HAUS6: variants seen among roughly 807,000 people sequenced by gnomAD.
The protein encoded by HAUS6 is HAUS augmin-like complex subunit 6.
A neutral mutation model predicts 106.8 loss-of-function variants in HAUS6; 80 were observed. The observed-to-expected ratio is 0.75, with a 90% CI of 0.63 to 0.90. HAUS6 has a LOEUF of 0.90. Among genes scored for constraint, HAUS6 ranks in the 40% least tolerant of loss-of-function variants. HAUS6 has a pLI of 0.00. For synonymous variants in HAUS6, 356 were observed against 379.1 expected (o/e 0.94, Z 0.71); for missense variants, 1,155 against 1,118.1 (o/e 1.03, Z -0.47).
chr9:19,098,576 C>T (rs532215324), intron 1 of HAUS6, among the ~76,000 whole-genome samples: 2 of 152,230 alleles, frequency 1.3e-5, no homozygotes, highest in South Asian at 2.1e-4. Flanking sequence ...ATTCCTACTG[C>T]CACTTTAGTT....
chr9:19,078,278 T>C lies in HAUS6; in HGVS notation c.1089A>G (p.Thr363=). The change falls in exon 10 of 17, where the codon ACA becomes ACG. Residue 363 remains threonine, a synonymous_variant. Transcript: ENST00000380502. ...HMRYRIKDDL[T]TIRHSVVEKQ... Reference sequence around the variant, plus strand: ...TTTCAACAACAGAATGTCTTATAGTTGTGAGATCATCTTTTATTCTATACC... The same window carrying C: ...TTTCAACAACAGAATGTCTTATAGTCGTGAGATCATCTTTTATTCTATACC... 6 of 1,506,428 alleles carry C rather than the reference T, an allele frequency of 4.0e-6. No homozygotes were observed. Among genetic ancestry groups the C allele is most frequent in the Non-Finnish European group, 5.5e-6 (6 of 1,083,576 alleles). The allele number at this position is 1,506,428 out of a possible 1,614,324, so 93.3% of individuals were successfully genotyped here.
chr9:19,063,965 A>ATTT (rs1836697530), intron 12 of HAUS6, among the ~76,000 whole-genome samples: 7 of 115,580 alleles, frequency 6.1e-5, no homozygotes, highest in African/African-American at 2.4e-4. Context: ...CAGATCCTTT[A>ATTT]TTTTATTTTT....
intron 8 of HAUS6, among the ~76,000 whole-genome samples, chr9:19,082,470 CG>C (rs1266181772): frequency 2.0e-5 from 3 of 152,050 alleles, no homozygotes; most frequent in Admixed American, 6.6e-5. Flanking sequence ...AAATTCTGGC[CG>C]GGTGCGGTGG....
chr9:19,086,494 C>T lies in HAUS6; in HGVS notation c.699+240G>A, dbSNP rs887223809. 3.9e-5 allele frequency among the ~76,000 whole-genome samples: 6 copies of T among 152,098 alleles called. No homozygotes were observed. The South Asian group carries it at 1.2e-3, about 32-fold the overall frequency. On this transcript the variant is annotated intron_variant, in intron 7 of 16. Transcript: ENST00000380502. ...AATTAGCCAGGCGTGGTGGCGCATG[C>T]TTGTAATCCCAGCTACTTAGGAGGC...
At chr9:19,074,577 C>G (rs1335094725) in intron 11 of HAUS6, among the ~76,000 whole-genome samples, 1 of 152,064 alleles carries the variant, frequency 6.6e-6, no homozygotes, top group East Asian at 1.9e-4. Flanking sequence ...CAGCCCTATG[C>G]AGACTTTTCT....
In HAUS6 at chr9:19,058,729, T is replaced by A. The variant is rs1404171532; in HGVS notation, c.2038A>T (p.Thr680Ser). ...TTTAACAAATCTGACTGATTTTGTG[T>A]TGGTGGTTCATCTATGTGACTGGTC... The part of the protein sequence containing the change: ...VLTSHIDEPP[T>S]QNQSDLLNKK... The change falls in exon 16 of 17, where the codon ACA becomes TCA. Residue 680 changes from threonine to serine, a missense_variant. Coordinates refer to ENST00000380502, the MANE Select transcript of HAUS6 (RefSeq NM_017645.5). 5 of 1,614,160 alleles carry A rather than the reference T, an allele frequency of 3.1e-6. No individual in the cohort carries two copies. The highest frequency in any genetic ancestry group is 4.2e-6 in the Non-Finnish European group (5 of 1,179,998).
In HAUS6 at chr9:19,058,083, G is replaced by A; in HGVS notation, c.2684C>T (p.Ser895Phe). ...CDLHTEHIKP[S>F]LRTSIGERKR... ...TCTTTCACCGATGGACGTGCGTAAA[G>A]ATGGCTTTATATGCTCAGTATGCAA... is the stretch of plus-strand genomic sequence containing the variant. The change falls in exon 16 of 17, where the codon TCT (serine) becomes TTT (phenylalanine). Residue 895 changes from serine (S) to phenylalanine (F), a missense_variant. By Grantham distance (155) the Ser-to-Phe change is radical (BLOSUM62 -2). Transcript: ENST00000380502. 6.2e-7 allele frequency: 1 copy of A among 1,614,084 alleles called. No individual in the cohort carries two copies. The highest frequency in any genetic ancestry group is 1.1e-5 in the South Asian group (1 of 91,080).
In HAUS6 at chr9:19,102,732, G is replaced by A. The variant is rs894063900; in HGVS notation, c.-81C>T. The A allele has an allele frequency of 7.0e-7, 1 of 1,436,108 alleles. No individual in the cohort carries two copies. Among genetic ancestry groups the A allele is most frequent in the Non-Finnish European group, 9.5e-7 (1 of 1,056,604 alleles). 89.0% of individuals were successfully genotyped at this position (1,436,108 alleles called of 1,614,324 possible). A position where few individuals can be genotyped will look rare whatever the true frequency, so the allele number is the denominator to read the frequency against. On this transcript the variant is annotated 5_prime_UTR_variant, in exon 1 of 17. Transcript: ENST00000380502. ...GAGGGCCCTCAAGATCCCTCCCTACGGTCAGCCTGAGGTCGCGGTGGTCCT... is the reference window on the plus strand; with the variant it reads ...GAGGGCCCTCAAGATCCCTCCCTACAGTCAGCCTGAGGTCGCGGTGGTCCT...
intron 5 of HAUS6, among the ~76,000 whole-genome samples, chr9:19,088,572 T>C (rs1344616528): frequency 6.6e-6 from 1 of 151,432 alleles, no homozygotes; most frequent in Non-Finnish European, 1.5e-5. Context: ...AACTGAACTT[T>C]TTAAACTAAA....
intron 3 of HAUS6, 124 bp from the exon 4 acceptor site, chr9:19,093,427 ACTATG>A (rs1426735004): frequency 7.0e-6 from 6 of 858,810 alleles, no homozygotes; most frequent in Non-Finnish European, 1.1e-5. Flanking sequence ...TTTCATAAGT[ACTATG>A]CTATAGGTTG....
intron 4 of HAUS6, among the ~76,000 whole-genome samples, chr9:19,092,368 C>G (rs180802151): frequency 6.6e-6 from 1 of 151,408 alleles, no homozygotes; most frequent in Non-Finnish European, 1.5e-5. Flanking sequence ...GTAATCCTAA[C>G]ACTTTGGGAG....
intron 7 of HAUS6, among the ~76,000 whole-genome samples, chr9:19,086,262 G>C (rs898496441): frequency 6.7e-6 from 1 of 149,288 alleles, no homozygotes; most frequent in Admixed American, 6.8e-5. Context: ...AGTGAGCTGA[G>C]ACCACGCCAC....
chr9:19,088,548 A>G (rs1261740023), intron 5 of HAUS6, among the ~76,000 whole-genome samples: 4 of 152,150 alleles, frequency 2.6e-5, no homozygotes, highest in Non-Finnish European at 5.9e-5. Context: ...CATATTTTAC[A>G]AAGCACATAA....
intron 10 of HAUS6, among the ~76,000 whole-genome samples, chr9:19,077,420 G>A (rs796664462): frequency 1.8e-4 from 28 of 152,142 alleles, no homozygotes; most frequent in African/African-American, 4.8e-4. Flanking sequence ...CTTTAGTCCC[G>A]GCTACTTGGG....
chr9:19,062,603 G>C (rs185976626), intron 14 of HAUS6, among the ~76,000 whole-genome samples: 1 of 152,184 alleles, frequency 6.6e-6, no homozygotes, highest in Non-Finnish European at 1.5e-5. Context: ...TATTACCCGA[G>C]GTAATCAATA....
chr9:19,094,620 C>T (rs1817823052), intron 2 of HAUS6, among the ~76,000 whole-genome samples: 2 of 152,122 alleles, frequency 1.3e-5, no homozygotes, highest in South Asian at 2.1e-4. Flanking sequence ...GGAGAAATCC[C>T]GTCTCTATTA....
chr9:19,094,441 C>G, intron 2 of HAUS6, 46 bp from the exon 3 acceptor site: 2 of 845,678 alleles, frequency 2.4e-6, no homozygotes, highest in South Asian at 1.8e-5. Flanking sequence ...CAACAATAGC[C>G]AAAAAAAAAA....
At chr9:19,101,115 T>C (rs1158445636) in intron 1 of HAUS6, among the ~76,000 whole-genome samples, 1 of 152,250 alleles carries the variant, frequency 6.6e-6, no homozygotes, top group African/African-American at 2.4e-5. Flanking sequence ...AAAGGAAAGA[T>C]AAATGTTTGA....
At chr9:19,095,908 G>T (rs1184703192) in intron 2 of HAUS6, among the ~76,000 whole-genome samples, 3 of 152,010 alleles carry the variant, frequency 2.0e-5, no homozygotes, top group Non-Finnish European at 2.9e-5. Flanking sequence ...AGCAATTGAT[G>T]CTTTAATATA....
Sources: allele counts gnomAD v4.1 joint callset (sites outside exome capture counted in the v4.1 genomes callset), GRCh38; gene constraint gnomAD v4.1.1; transcripts MANE v1.5; gene names NCBI Gene and HGNC (gene_info 2026-07-23, HGNC 2026-07-21).